SDK1: variants seen among roughly 807,000 people sequenced by gnomAD.
SDK1 encodes the protein protein sidekick-1.
In SDK1, 157 loss-of-function variants were observed where a neutral mutation model predicts 245.5. The ratio of observed to expected loss-of-function variants is 0.64; its 90% CI spans 0.56 to 0.73. The LOEUF is 0.73. SDK1 is among the 30% of genes least tolerant of loss of function. The pLI is 0.00. For synonymous variants in SDK1, 1,647 were observed against 1,278.5 expected, an observed-to-expected ratio of 1.29 and a Z score of -6.15; for missense variants, 3,583 against 3,002.3, an observed-to-expected ratio of 1.19 and a Z score of -4.52.
rs1168257134 is a variant in SDK1, at chr7:4,198,363, A to T, written c.5099-7516A>T. Among the ~76,000 whole-genome samples, 3 of 152,340 alleles carry T rather than the reference A, an allele frequency of 2.0e-5. No individual in the cohort carries two copies. The East Asian group carries it at 5.8e-4, about 29-fold the overall frequency. On this transcript the variant is annotated intron_variant, in intron 35 of 44. Coordinates refer to ENST00000404826, the MANE Select transcript of SDK1 (RefSeq NM_152744.4). Reference sequence around the variant, plus strand: ...AAGTCACAAGGGTGTTGGCTGGGACACCTGGGCCAGGTGCCTTGAATTCTG... The same window carrying T: ...AAGTCACAAGGGTGTTGGCTGGGACTCCTGGGCCAGGTGCCTTGAATTCTG...
Position 3,668,294 on chromosome 7 carries a change from C to G in SDK1, c.713+26189C>G, listed in dbSNP as rs146011000. On this transcript the variant is annotated intron_variant, in intron 4 of 44. Transcript: ENST00000404826. ...TGGTTCCACTGATGGCAGTAGATTC[C>G]TCTTCCAACACGACTCACTTTCATG... 1.4e-4 allele frequency among the ~76,000 whole-genome samples: 21 copies of G among 152,272 alleles called. No individual in the cohort carries two copies. In the East Asian group the frequency reaches 3.3e-3, roughly 24 times the overall value.
At chr7:3,753,396 C>G (rs1779829951) in intron 4 of SDK1, among the ~76,000 whole-genome samples, 1 of 152,132 alleles carries the variant, frequency 6.6e-6, no homozygotes, top group Admixed American at 6.6e-5. Context: ...ACTGAAGAGA[C>G]ATTGCCCCTT....
intron 19 of SDK1, among the ~76,000 whole-genome samples, chr7:4,062,601 A>T (rs534289532): frequency 1.1e-4 from 16 of 152,316 alleles, no homozygotes; most frequent in African/African-American, 3.8e-4. Context: ...TTTCTAACTC[A>T]TTTTATGAGG....
intron 1 of SDK1, among the ~76,000 whole-genome samples, chr7:3,350,148 A>G (rs1196486565): frequency 6.6e-6 from 1 of 152,198 alleles, no homozygotes; most frequent in African/African-American, 2.4e-5. Context: ...TTTTAAGTCT[A>G]TCAGTATATA....
chr7:4,122,209 G>C (rs1335864935), intron 25 of SDK1, among the ~76,000 whole-genome samples: 2 of 152,276 alleles, frequency 1.3e-5, no homozygotes, highest in South Asian at 4.1e-4. Flanking sequence ...CCTCTGACTG[G>C]CAAGGCCCTC....
At chr7:3,576,062 T>A (rs569786498) in intron 1 of SDK1, among the ~76,000 whole-genome samples, 1 of 152,042 alleles carries the variant, frequency 6.6e-6, no homozygotes, top group East Asian at 1.9e-4. Context: ...ATGAGGAAAA[T>A]CACAAACCTG....
intron 4 of SDK1, among the ~76,000 whole-genome samples, chr7:3,804,525 T>A (rs1209206089): frequency 6.6e-6 from 1 of 152,236 alleles, no homozygotes; most frequent in Non-Finnish European, 1.5e-5. Flanking sequence ...TTTGCTTCTT[T>A]TTCAAAATTG....
chr7:3,580,059 G>A (rs545571625), intron 1 of SDK1, among the ~76,000 whole-genome samples: 1 of 152,126 alleles, frequency 6.6e-6, no homozygotes, highest in Non-Finnish European at 1.5e-5. Flanking sequence ...CAAACATAAT[G>A]TAATACCTAG....
rs905755832 is a variant in SDK1, at chr7:4,049,554, A to G, written c.2718+91A>G. 4.0e-5 allele frequency: 38 copies of G among 952,436 alleles called. No individual in the cohort carries two copies. The African/African-American group carries it at 5.5e-4, about 14-fold the overall frequency. 59.0% of individuals were successfully genotyped at this position (952,436 alleles called of 1,614,324 possible). ...TGGAGGCACCCCCTCTTGTGTATCA[A>G]GAGCTGGTTGCATTAAGATACAGGG... is the stretch of plus-strand genomic sequence containing the variant. On this transcript the variant is annotated intron_variant, in intron 18 of 44. Transcript: ENST00000404826.
intron 25 of SDK1, among the ~76,000 whole-genome samples, chr7:4,127,146 T>C (rs547513303): frequency 1.3e-5 from 2 of 152,346 alleles, no homozygotes; most frequent in South Asian, 4.1e-4. Flanking sequence ...TTTTTCTTGC[T>C]TGGTGGACTC....
At position 3,711,755 on chromosome 7, in the gene SDK1, C is replaced by G. The variant is rs184245638; in HGVS notation, c.713+69650C>G. On this transcript the variant is annotated intron_variant, in intron 4 of 44. Coordinates refer to ENST00000404826, the MANE Select transcript of SDK1 (RefSeq NM_152744.4). Reference sequence around the variant, plus strand: ...TAGGCAGGAACCAGATCCTGCAGGCCCTGGAGGCCATTGAGGTTCTTCCCA... The same window carrying G: ...TAGGCAGGAACCAGATCCTGCAGGCGCTGGAGGCCATTGAGGTTCTTCCCA... Among the ~76,000 whole-genome samples, 532 of 152,106 alleles carry G rather than the reference C, an allele frequency of 3.5e-3. 3 individuals carry two copies. The highest frequency in any genetic ancestry group is 0.016 in the South Asian group (76 of 4,812).
chr7:3,607,742 T>C (rs1781466998), intron 1 of SDK1, among the ~76,000 whole-genome samples: 1 of 152,248 alleles, frequency 6.6e-6, no homozygotes, highest in African/African-American at 2.4e-5. Context: ...TGGATGAAGT[T>C]CAAGATCCAG....
chr7:3,941,795 C>T (rs763222836), intron 5 of SDK1, among the ~76,000 whole-genome samples: 5 of 152,202 alleles, frequency 3.3e-5, no homozygotes, highest in Non-Finnish European at 5.9e-5. Context: ...ATCCCCAGCA[C>T]CTGCCACCAT....
chr7:3,595,218 TATG>T (rs142508481), intron 1 of SDK1, among the ~76,000 whole-genome samples: 16,713 of 152,020 alleles, frequency 0.11, 1,505 homozygotes, highest in East Asian at 0.35. Flanking sequence ...TTGGTGACTT[TATG>T]ATATTTTGCT....
At chr7:3,567,095 C>G (rs752013090) in intron 1 of SDK1, among the ~76,000 whole-genome samples, 1 of 152,082 alleles carries the variant, frequency 6.6e-6, no homozygotes, top group Non-Finnish European at 1.5e-5. Context: ...AAGGGATATG[C>G]CTGAGGTATA....
chr7:4,264,365 T>C lies in SDK1; in HGVS notation c.6382-759T>C, dbSNP rs561552629. ...CTCCTGAGTGAGGAGGCCGTGTAGATCTCTCCTGAGTGAGGGAGGCCGTGT... is the reference window on the plus strand; with the variant it reads ...CTCCTGAGTGAGGAGGCCGTGTAGACCTCTCCTGAGTGAGGGAGGCCGTGT... On this transcript the variant is annotated intron_variant, in intron 44 of 44. Transcript: ENST00000404826. Among the ~76,000 whole-genome samples, 485 of 118,024 alleles carry C rather than the reference T, an allele frequency of 4.1e-3. 11 individuals carry two copies. Among genetic ancestry groups the C allele is most frequent in the African/African-American group, 0.015 (448 of 30,834 alleles). 77.4% of individuals were successfully genotyped at this position (118,024 alleles called of 152,430 possible). A position where few individuals can be genotyped will look rare whatever the true frequency, so the allele number is the denominator to read the frequency against.
At chr7:3,693,778 G>A (rs1459247318) in intron 4 of SDK1, among the ~76,000 whole-genome samples, 2 of 152,064 alleles carry the variant, frequency 1.3e-5, no homozygotes, top group African/African-American at 4.8e-5. Flanking sequence ...TTCTGGCACT[G>A]GCCTATAATT....
intron 4 of SDK1, among the ~76,000 whole-genome samples, chr7:3,708,844 A>G (rs1012771077): frequency 6.6e-6 from 1 of 152,240 alleles, no homozygotes; most frequent in Non-Finnish European, 1.5e-5. Flanking sequence ...TGTATTTTCT[A>G]TCTATTCTGC....
intron 1 of SDK1, among the ~76,000 whole-genome samples, chr7:3,325,598 C>T (rs190102079): frequency 1.3e-5 from 2 of 152,078 alleles, no homozygotes; most frequent in African/African-American, 2.4e-5. Flanking sequence ...TAAAAGTAAC[C>T]GTTTCCATCA....
Sources: allele counts gnomAD v4.1 joint callset (sites outside exome capture counted in the v4.1 genomes callset), GRCh38; gene constraint gnomAD v4.1.1; transcripts MANE v1.5; gene names NCBI Gene and HGNC (gene_info 2026-07-23, HGNC 2026-07-21).